Variants in KIT observed in about 807,000 individuals in gnomAD.
KIT encodes the protein KIT proto-oncogene, receptor tyrosine kinase, also known as mast/stem cell growth factor receptor Kit.
Under a neutral mutation model 105.7 loss-of-function variants are expected in KIT, and 16 were observed. That is an observed-to-expected ratio of 0.15 (90% confidence interval 0.10 to 0.23). KIT has a LOEUF of 0.23. Ranked by LOEUF, KIT falls within the 10% of genes least tolerant of loss-of-function variation. The pLI, the probability that KIT is intolerant of heterozygous loss-of-function variation, is 1.00. For missense variants in KIT, 858 were observed against 1,213.8 expected, an observed-to-expected ratio of 0.71 and a Z score of 4.36; for synonymous variants, 438 against 441.1, an observed-to-expected ratio of 0.99 and a Z score of 0.09.
chr4:54,681,126 C>T (rs1718883626), intron 1 of KIT, among the ~76,000 whole-genome samples: 1 of 152,172 alleles, frequency 6.6e-6, no homozygotes, highest in Non-Finnish European at 1.5e-5. Context: ...AAGGGACGAG[C>T]TCGCTACCCC....
chr4:54,700,114 C>T lies in KIT; in HGVS notation c.756+348C>T, dbSNP rs201570999. Reference sequence around the variant, plus strand: ...TTTGATTTAAAGCTATTGTTGATACCGTTTAGGCCAGACTATTTAAAATAT... The same window carrying T: ...TTTGATTTAAAGCTATTGTTGATACTGTTTAGGCCAGACTATTTAAAATAT... On this transcript the variant is annotated intron_variant, in intron 4 of 20. Coordinates refer to ENST00000288135, the MANE Select transcript of KIT (RefSeq NM_000222.3). 6.6e-5 allele frequency among the ~76,000 whole-genome samples: 10 copies of T among 152,148 alleles called. No individual in the cohort carries two copies. The East Asian group carries it at 1.2e-3, about 18-fold the overall frequency.
At chr4:54,661,350 T>C (rs1388207829) in intron 1 of KIT, among the ~76,000 whole-genome samples, 1 of 151,770 alleles carries the variant, frequency 6.6e-6, no homozygotes, top group Non-Finnish European at 1.5e-5. Context: ...TATGTACAGA[T>C]GTTGTGGTGG....
In KIT at chr4:54,698,340, A is replaced by G. The variant is rs756128407; in HGVS notation, c.394A>G (p.Thr132Ala). The change falls in exon 3 of 21, where the codon ACG becomes GCG. Residue 132 changes from threonine to alanine, a missense_variant. By Grantham distance (58) the Thr-to-Ala change is moderately conservative. Coordinates refer to ENST00000288135, the MANE Select transcript of KIT (RefSeq NM_000222.3). ...CTTGTATGGGAAAGAAGACAACGAC[A>G]CGCTGGTCCGCTGTCCTCTCACAGA... Reference protein sequence around the residue: ...RSLYGKEDNDTLVRCPLTDPE... With the variant: ...RSLYGKEDNDALVRCPLTDPE... 1 of 1,614,080 alleles carries G rather than the reference A, an allele frequency of 6.2e-7. No individual in the cohort carries two copies. Among genetic ancestry groups the G allele is most frequent in the East Asian group, 2.2e-5 (1 of 44,868 alleles).
At chr4:54,706,318 A>C (rs933219834) in intron 5 of KIT, among the ~76,000 whole-genome samples, 19 of 152,146 alleles carry the variant, frequency 1.2e-4, no homozygotes, top group African/African-American at 3.9e-4. Flanking sequence ...CACACTTGCA[A>C]AATTATTGAG....
At chr4:54,694,582 G>A (rs940936654) in intron 1 of KIT, among the ~76,000 whole-genome samples, 2 of 151,948 alleles carry the variant, frequency 1.3e-5, no homozygotes, top group African/African-American at 4.8e-5. Flanking sequence ...GTCTCACTGC[G>A]TTGCCCAGGC....
In KIT at chr4:54,733,081, A is replaced by G; in HGVS notation, c.2373A>G (p.Arg791=). Residue 791 remains arginine, a synonymous_variant, in exon 17 of 21, where the codon AGA becomes AGG. Coordinates refer to ENST00000288135, the MANE Select transcript of KIT (RefSeq NM_000222.3). ...CTCCAACCTAATAGTGTATTCACAGAGACTTGGCAGCCAGAAATATCCTCC... is the reference window on the plus strand; with the variant it reads ...CTCCAACCTAATAGTGTATTCACAGGGACTTGGCAGCCAGAAATATCCTCC... ...AFLASKNCIH[R]DLAARNILLT... 6.2e-7 allele frequency: 1 copy of G among 1,612,164 alleles called. No individual in the cohort carries two copies. The highest frequency in any genetic ancestry group is 8.5e-7 in the Non-Finnish European group (1 of 1,178,460).
At chr4:54,687,773 G>A (rs954043841) in intron 1 of KIT, among the ~76,000 whole-genome samples, 5 of 152,040 alleles carry the variant, frequency 3.3e-5, no homozygotes, top group African/African-American at 7.3e-5. Context: ...ACATACACGT[G>A]CAAACACATA....
chr4:54,695,545 C>A lies in KIT; in HGVS notation c.101C>A (p.Pro34Gln), dbSNP rs55755457. 1 of 1,614,048 alleles carries A rather than the reference C, an allele frequency of 6.2e-7. No homozygotes were observed. Among genetic ancestry groups the A allele is most frequent in the African/African-American group, 1.3e-5 (1 of 74,918 alleles). The change falls in exon 2 of 21, where the codon CCG (proline) becomes CAG (glutamine). Residue 34 changes from proline to glutamine, a missense_variant. Coordinates refer to ENST00000288135, the MANE Select transcript of KIT (RefSeq NM_000222.3). ...CAACCATCTGTGAGTCCAGGGGAAC[C>A]GTCTCCACCATCCATCCATCCAGGA... Reference protein sequence around the residue: ...SSQPSVSPGEPSPPSIHPGKS... With the variant: ...SSQPSVSPGEQSPPSIHPGKS...
At chr4:54,685,207 A>G (rs561706576) in intron 1 of KIT, among the ~76,000 whole-genome samples, 5 of 152,090 alleles carry the variant, frequency 3.3e-5, no homozygotes, top group African/African-American at 1.2e-4. Flanking sequence ...GGGGGATTTC[A>G]TGGACACCAC....
intron 1 of KIT, among the ~76,000 whole-genome samples, chr4:54,668,359 A>C (rs1717850824): frequency 6.6e-6 from 1 of 152,226 alleles, no homozygotes; most frequent in Non-Finnish European, 1.5e-5. Flanking sequence ...AAAATGAAAA[A>C]GGTGAAACGG....
In KIT at chr4:54,738,666, C is replaced by A. The variant is rs1460222043; in HGVS notation, c.*109C>A. The A allele has an allele frequency of 3.0e-6, 4 of 1,320,334 alleles. No individual in the cohort carries two copies. Among genetic ancestry groups the A allele is most frequent in the Non-Finnish European group, 4.3e-6 (4 of 926,316 alleles). The allele number at this position is 1,320,334 out of a possible 1,614,324, so 81.8% of individuals were successfully genotyped here. A position where few individuals can be genotyped will look rare whatever the true frequency, so the allele number is the denominator to read the frequency against. ...GCATCCAACTCCAGGATAGTGGGCA[C>A]CCCACTGCAATCCTGTCTTTCTGAG... On this transcript the variant is annotated 3_prime_UTR_variant, in exon 21 of 21. Transcript: ENST00000288135.
intron 1 of KIT, among the ~76,000 whole-genome samples, chr4:54,664,587 T>TTATTTATC (rs1367430855): frequency 2.9e-5 from 1 of 34,700 alleles, no homozygotes; most frequent in African/African-American, 1.3e-4. Flanking sequence ...TTTTTATTAT[T>TTATTTATC]TATTTATTTA....
intron 7 of KIT, among the ~76,000 whole-genome samples, chr4:54,720,917 C>T (rs1577984800): frequency 1.3e-5 from 2 of 152,154 alleles, no homozygotes; most frequent in East Asian, 3.9e-4. Context: ...TCTCATGGCC[C>T]TCCATTGCAA....
At chr4:54,703,012 A>T (rs2109690442) in intron 4 of KIT, among the ~76,000 whole-genome samples, 1 of 152,280 alleles carries the variant, frequency 6.6e-6, no homozygotes, top group South Asian at 2.1e-4. Context: ...GCTGTAGCTT[A>T]TGTTATGGTT....
At position 54,665,173 on chromosome 4, in the gene KIT, C is replaced by T. The variant is rs149252563; in HGVS notation, c.67+7092C>T. Among the ~76,000 whole-genome samples the T allele has an allele frequency of 4.5e-4, 69 of 152,176 alleles. No homozygotes were observed. In the East Asian group the frequency reaches 0.011, roughly 23 times the overall value. ...TTTTTGACTGGTTTATTTCACATAC[C>T]GTAACATCCTCAAGGTTCACCCCTA... On this transcript the variant is annotated intron_variant, in intron 1 of 20. Coordinates refer to ENST00000288135, the MANE Select transcript of KIT (RefSeq NM_000222.3).
intron 6 of KIT, 122 bp downstream of exon 6, chr4:54,707,409 G>A (rs1187654280): frequency 1.1e-5 from 8 of 748,424 alleles, no homozygotes; most frequent in Admixed American, 4.1e-5. Flanking sequence ...GAAAGTCTGG[G>A]GCTGCCTCCT....
chr4:54,692,396 C>T (rs1195219284), intron 1 of KIT, among the ~76,000 whole-genome samples: 1 of 152,124 alleles, frequency 6.6e-6, no homozygotes, highest in Admixed American at 6.5e-5. Context: ...AACTTGGACA[C>T]AGAGTTAGGG....
intron 14 of KIT, among the ~76,000 whole-genome samples, chr4:54,730,917 G>A (rs17084709): frequency 0.061 from 9,196 of 151,988 alleles, 898 homozygotes; most frequent in African/African-American, 0.21. Context: ...ATATGTTAAC[G>A]ATCTCTGCCT....
chr4:54,723,299 T>A (rs569716307), intron 7 of KIT, among the ~76,000 whole-genome samples: 2 of 152,228 alleles, frequency 1.3e-5, no homozygotes, highest in East Asian at 3.9e-4. Context: ...AGTCTTCAGA[T>A]CCCTACTCCC....
Sources: gnomAD v4.1 joint callset for allele counts (sites outside exome capture counted in the v4.1 genomes callset) on GRCh38, gnomAD v4.1.1 for gene constraint, MANE v1.5 for transcripts, NCBI Gene and HGNC (gene_info 2026-07-23, HGNC 2026-07-21) for gene names.